SLMAP: variants seen among roughly 807,000 people sequenced by gnomAD.
The protein encoded by SLMAP is sarcolemmal membrane-associated protein.
A neutral mutation model predicts 128.8 loss-of-function variants in SLMAP; 44 were observed. The ratio of observed to expected loss-of-function variants is 0.34; its 90% CI spans 0.27 to 0.44. The LOEUF is 0.44. Ranked by LOEUF, SLMAP falls within the 20% of genes least tolerant of loss-of-function variation. SLMAP has a pLI of 1.00. For missense variants in SLMAP, 787 were observed against 985.3 expected (o/e 0.80, Z 2.69); for synonymous variants, 327 against 348.8 (o/e 0.94, Z 0.70).
At chr3:57,892,352 A>C (rs898841395) in intron 15 of SLMAP, among the ~76,000 whole-genome samples, 6 of 152,154 alleles carry the variant, frequency 3.9e-5, no homozygotes, top group Non-Finnish European at 8.8e-5. Context: ...GTATCACCTA[A>C]TGCAAAATGT....
chr3:57,831,768 A>G lies in SLMAP; in HGVS notation c.346+238A>G, dbSNP rs11716875. Among the ~76,000 whole-genome samples, 19,397 of 152,172 alleles carry G rather than the reference A, an allele frequency of 0.13. 1,348 individuals are homozygous for G. Among genetic ancestry groups the G allele is most frequent in the South Asian group, 0.21 (997 of 4,822 alleles). Reference sequence around the variant, plus strand: ...CACAGTCAGGGACCAGTCAGCTGCAATGACAGCATACCCCACCAAGACAAG... The same window carrying G: ...CACAGTCAGGGACCAGTCAGCTGCAGTGACAGCATACCCCACCAAGACAAG... On this transcript the variant is annotated intron_variant, in intron 3 of 24. Transcript: ENST00000671191.
intron 2 of SLMAP, among the ~76,000 whole-genome samples, chr3:57,792,908 G>C (rs779385977): frequency 6.6e-6 from 1 of 151,976 alleles, no homozygotes; most frequent in Non-Finnish European, 1.5e-5. Context: ...GAGGCTAAGC[G>C]GGGTGGATTG....
intron 14 of SLMAP, among the ~76,000 whole-genome samples, chr3:57,878,552 A>G (rs534577728): frequency 6.6e-6 from 1 of 152,300 alleles, no homozygotes; most frequent in Admixed American, 6.5e-5. Context: ...GATTGTGGAC[A>G]ATACTGGGCA....
chr3:57,777,034 A>T (rs1410170777), intron 2 of SLMAP, among the ~76,000 whole-genome samples: 2 of 149,444 alleles, frequency 1.3e-5, no homozygotes, highest in Non-Finnish European at 3.0e-5. Context: ...GTTAAAAAAA[A>T]TTATTGCCAA....
In SLMAP at chr3:57,756,731, CG is replaced by C. The variant is rs2077752255; in HGVS notation, c.-916del. On this transcript the variant is annotated 5_prime_UTR_variant, in exon 2 of 25. The change abolishes the stop of an existing upstream ORF in the 5' untranslated region. Transcript: ENST00000671191. ...TGCCGTCCCTGAGATGCGACCCTCG[CG>C]GGGGCGACCCTGAGGGGAGGCGGCC... 1 of 152,436 alleles carries C rather than the reference CG, an allele frequency of 6.6e-6. No homozygotes were observed. Among genetic ancestry groups the C allele is most frequent in the Non-Finnish European group, 1.5e-5 (1 of 68,186 alleles). The allele number at this position is 152,436 out of a possible 1,614,324, so 9.4% of individuals were successfully genotyped here.
intron 13 of SLMAP, among the ~76,000 whole-genome samples, chr3:57,868,696 C>A (rs907453426): frequency 6.6e-6 from 1 of 150,394 alleles, no homozygotes; most frequent in Non-Finnish European, 1.5e-5. Context: ...CACTGTACTC[C>A]AGCCTGGACA....
chr3:57,813,345 C>G (rs1445319265), intron 2 of SLMAP, among the ~76,000 whole-genome samples: 1 of 152,176 alleles, frequency 6.6e-6, no homozygotes, highest in East Asian at 1.9e-4. Flanking sequence ...ATCCTCCCGC[C>G]TTGGCTTCCC....
At chr3:57,891,400 A>G (rs2096066605) in intron 15 of SLMAP, among the ~76,000 whole-genome samples, 2 of 152,178 alleles carry the variant, frequency 1.3e-5, no homozygotes, top group African/African-American at 2.4e-5. Context: ...TTTTCAGGAT[A>G]TGTTTTATAG....
At chr3:57,793,721 A>T (rs535111972) in intron 2 of SLMAP, among the ~76,000 whole-genome samples, 3 of 152,236 alleles carry the variant, frequency 2.0e-5, no homozygotes, top group African/African-American at 7.2e-5. Context: ...TTTAGATAAT[A>T]TATGTACCTT....
intron 23 of SLMAP, among the ~76,000 whole-genome samples, chr3:57,923,646 C>T (rs1441853633): frequency 1.3e-5 from 2 of 152,254 alleles, no homozygotes; most frequent in East Asian, 3.9e-4. Flanking sequence ...TTTTGGTGAT[C>T]GTTACCTTTG....
intron 14 of SLMAP, among the ~76,000 whole-genome samples, chr3:57,877,553 T>G (rs2095631352): frequency 6.6e-6 from 1 of 152,234 alleles, no homozygotes; most frequent in Non-Finnish European, 1.5e-5. Context: ...AGCTAGGTGC[T>G]GCTAATTTTA....
intron 2 of SLMAP, among the ~76,000 whole-genome samples, chr3:57,758,920 G>A (rs1341914975): frequency 6.6e-6 from 1 of 151,980 alleles, no homozygotes; most frequent in Non-Finnish European, 1.5e-5. Context: ...CTGACTTTTT[G>A]CCCCTCTTTC....
chr3:57,892,811 T>TACAC (rs1559467376), intron 15 of SLMAP, among the ~76,000 whole-genome samples: 2 of 123,098 alleles, frequency 1.6e-5, no homozygotes, highest in African/African-American at 5.7e-5. Flanking sequence ...CACACACACA[T>TACAC]ACACACACAA....
intron 20 of SLMAP, 93 bp from the exon 21 acceptor site, chr3:57,913,065 G>T: frequency 1.5e-6 from 1 of 656,676 alleles, no homozygotes; most frequent in South Asian, 2.5e-5. Flanking sequence ...GGGGCAAAAA[G>T]TATGTTCTCC....
intron 2 of SLMAP, among the ~76,000 whole-genome samples, chr3:57,765,401 T>C (rs998959377): frequency 6.6e-5 from 10 of 151,660 alleles, no homozygotes; most frequent in Non-Finnish European, 1.2e-4. Context: ...AAAAAAAATA[T>C]GGGGTTAAGG....
At chr3:57,861,786 G>A (rs2095077185) in intron 9 of SLMAP, among the ~76,000 whole-genome samples, 163 bp from the exon 10 acceptor site, 1 of 152,112 alleles carries the variant, frequency 6.6e-6, no homozygotes, top group African/African-American at 2.4e-5. Context: ...AGTGTGAATT[G>A]AAATTCTTAT....
At chr3:57,775,554 G>A (rs891100844) in intron 2 of SLMAP, among the ~76,000 whole-genome samples, 1 of 151,136 alleles carries the variant, frequency 6.6e-6, no homozygotes, top group African/African-American at 2.4e-5. Context: ...GGGCGTGGTG[G>A]TGTATGCCTG....
intron 15 of SLMAP, among the ~76,000 whole-genome samples, chr3:57,893,424 A>G (rs1444235977): frequency 6.8e-6 from 1 of 147,942 alleles, no homozygotes; most frequent in Non-Finnish European, 1.5e-5. Flanking sequence ...ACCCTGTCTG[A>G]AAAATAAAAA....
At chr3:57,895,137 A>G (rs1250022380) in intron 15 of SLMAP, among the ~76,000 whole-genome samples, 1 of 151,802 alleles carries the variant, frequency 6.6e-6, no homozygotes, top group East Asian at 1.9e-4. Context: ...AAAAAAAAAG[A>G]AAGGAATTCC....
Sources: gnomAD v4.1 joint callset for allele counts (sites outside exome capture counted in the v4.1 genomes callset) on GRCh38, gnomAD v4.1.1 for gene constraint, MANE v1.5 for transcripts, NCBI Gene and HGNC (gene_info 2026-07-23, HGNC 2026-07-21) for gene names.